The following RASAL2 variants were observed in gnomAD, a reference collection of about 807,000 sequenced individuals.
The protein encoded by RASAL2 is ras GTPase-activating protein nGAP.
Under a neutral mutation model 128.9 loss-of-function variants are expected in RASAL2, and 58 were observed. The ratio of observed to expected loss-of-function variants is 0.45; its 90% confidence interval spans 0.36 to 0.56. RASAL2 has a LOEUF of 0.56. Among genes scored for constraint, RASAL2 ranks in the 20% least tolerant of loss-of-function variants. The pLI is 0.00. For synonymous variants in RASAL2, 561 were observed against 580.8 expected (o/e 0.97, Z 0.49); for missense variants, 1,360 against 1,601.6 (o/e 0.85, Z 2.57).
intron 4 of RASAL2, among the ~76,000 whole-genome samples, chr1:178,420,283 A>C (rs968896828): frequency 1.3e-5 from 2 of 152,246 alleles, no homozygotes; most frequent in African/African-American, 4.8e-5. Flanking sequence ...ATAATAAATT[A>C]GGTGCTACTA....
chr1:178,451,024 CAT>C (rs1398333759), intron 9 of RASAL2, among the ~76,000 whole-genome samples: 3 of 152,104 alleles, frequency 2.0e-5, no homozygotes, highest in Admixed American at 1.3e-4. Context: ...TATGGAAAAG[CAT>C]ATACAGATTA....
At chr1:178,197,218 G>A (rs966756884) in intron 1 of RASAL2, among the ~76,000 whole-genome samples, 3 of 152,186 alleles carry the variant, frequency 2.0e-5, no homozygotes, top group African/African-American at 7.2e-5. Context: ...AAAACTTTGG[G>A]GGGCCGAGGC....
chr1:178,272,741 A>G (rs1215539432), intron 1 of RASAL2, among the ~76,000 whole-genome samples: 2 of 152,188 alleles, frequency 1.3e-5, no homozygotes, highest in African/African-American at 4.8e-5. Flanking sequence ...CAGCCTGGCC[A>G]ACATGGTTAA....
intron 3 of RASAL2, among the ~76,000 whole-genome samples, chr1:178,338,663 C>T (rs1461836295): frequency 6.6e-6 from 1 of 152,120 alleles, no homozygotes; most frequent in African/African-American, 2.4e-5. Flanking sequence ...ATGTAGCCTC[C>T]GGGAGTTTAC....
At chr1:178,434,144 G>A (rs919942780) in intron 5 of RASAL2, among the ~76,000 whole-genome samples, 2 of 152,072 alleles carry the variant, frequency 1.3e-5, no homozygotes, top group Non-Finnish European at 2.9e-5. Flanking sequence ...CAATGTAGTT[G>A]TGTTTATATT....
At chr1:178,365,630 C>T (rs911578628) in intron 3 of RASAL2, among the ~76,000 whole-genome samples, 14 of 152,090 alleles carry the variant, frequency 9.2e-5, no homozygotes, top group Admixed American at 7.2e-4. Context: ...CACCACTATG[C>T]CCAGGTAATT....
chr1:178,318,240 G>T (rs1463682991), intron 3 of RASAL2, among the ~76,000 whole-genome samples: 1 of 148,834 alleles, frequency 6.7e-6, no homozygotes, highest in East Asian at 2.0e-4. Flanking sequence ...GAATAGGTGT[G>T]GTGTGGTGCT....
rs1320322573 is a variant in RASAL2, at chr1:178,402,179, G to A, written c.564+11973G>A. Among the ~76,000 whole-genome samples the A allele has an allele frequency of 2.0e-5, 3 of 152,266 alleles. No homozygotes were observed. In the East Asian group the frequency reaches 5.8e-4, roughly 29 times the overall value. The stretch of plus-strand genomic sequence containing the variant: ...GCCTGTAATCCCAGCACTTTGGGAG[G>A]CCAAGGTGGGCAGATCACTTGAGGT... On this transcript the variant is annotated intron_variant, in intron 4 of 17. Coordinates refer to ENST00000367649, the MANE Select transcript of RASAL2 (RefSeq NM_170692.4).
intron 3 of RASAL2, 150 bp from the exon 4 acceptor site, chr1:178,389,950 C>T (rs1459853172): frequency 1.9e-6 from 1 of 535,146 alleles, no homozygotes; most frequent in Non-Finnish European, 3.3e-6. Flanking sequence ...AGTTTAAGCA[C>T]CTCAAAGATA....
At chr1:178,249,143 T>C (rs941259049) in intron 1 of RASAL2, among the ~76,000 whole-genome samples, 6 of 152,260 alleles carry the variant, frequency 3.9e-5, no homozygotes, top group Admixed American at 3.9e-4. Context: ...TTTTCCAACT[T>C]GGTTCCATTC....
intron 1 of RASAL2, among the ~76,000 whole-genome samples, chr1:178,195,502 T>C (rs1050326939): frequency 2.0e-5 from 3 of 152,102 alleles, no homozygotes; most frequent in Non-Finnish European, 2.9e-5. Context: ...AGCCACACAA[T>C]AGAATGAAGT....
intron 2 of RASAL2, among the ~76,000 whole-genome samples, chr1:178,284,569 T>C (rs1438739448): frequency 6.6e-6 from 1 of 152,216 alleles, no homozygotes; most frequent in Non-Finnish European, 1.5e-5. Context: ...ACTCTTAAAC[T>C]TATCACATGC....
At chr1:178,291,422 A>G (rs892294920) in intron 2 of RASAL2, among the ~76,000 whole-genome samples, 6 of 152,220 alleles carry the variant, frequency 3.9e-5, no homozygotes, top group Non-Finnish European at 8.8e-5. Context: ...ATGAAGTGAA[A>G]GGGATTAGAA....
intron 4 of RASAL2, among the ~76,000 whole-genome samples, chr1:178,405,597 TG>T (rs1673949215): frequency 6.6e-6 from 1 of 152,186 alleles, no homozygotes; most frequent in Non-Finnish European, 1.5e-5. Flanking sequence ...GGAATGTGGG[TG>T]GCCTTTAGAA....
chr1:178,269,395 A>G (rs979460635), intron 1 of RASAL2, among the ~76,000 whole-genome samples: 2 of 152,218 alleles, frequency 1.3e-5, no homozygotes, highest in African/African-American at 2.4e-5. Context: ...CTTGTCAGAC[A>G]CGTGTGAACC....
At chr1:178,421,624 C>G (rs1675147087) in intron 5 of RASAL2, among the ~76,000 whole-genome samples, 1 of 151,956 alleles carries the variant, frequency 6.6e-6, no homozygotes, top group African/African-American at 2.4e-5. Flanking sequence ...GTCTGCCTCT[C>G]ATATTTGATA....
At chr1:178,337,554 TCTG>T (rs1669652086) in intron 3 of RASAL2, among the ~76,000 whole-genome samples, 1 of 152,114 alleles carries the variant, frequency 6.6e-6, no homozygotes, top group Admixed American at 6.5e-5. Flanking sequence ...TATATGATCA[TCTG>T]CTGTTCAAAA....
intron 1 of RASAL2, among the ~76,000 whole-genome samples, chr1:178,167,884 G>A (rs1262800251): frequency 6.6e-6 from 1 of 152,040 alleles, no homozygotes; most frequent in Non-Finnish European, 1.5e-5. Context: ...AGGATTGACT[G>A]TTGTTGTGTG....
intron 1 of RASAL2, among the ~76,000 whole-genome samples, chr1:178,161,622 T>G (rs1476046257): frequency 1.3e-5 from 2 of 152,202 alleles, no homozygotes; most frequent in East Asian, 3.9e-4. Context: ...TTTTTGGGTA[T>G]ATGCCTAGGA....
Sources: gnomAD v4.1 joint callset for allele counts (sites outside exome capture counted in the v4.1 genomes callset) on GRCh38, gnomAD v4.1.1 for gene constraint, MANE v1.5 for transcripts, NCBI Gene and HGNC (gene_info 2026-07-23, HGNC 2026-07-21) for gene names.